Variants in INSL6 observed in about 807,000 individuals in gnomAD.
The protein encoded by INSL6 is insulin like 6, also known as insulin-like peptide INSL6.
INSL6 carries 16 observed loss-of-function variants against 9.4 expected under a neutral mutation model. The observed-to-expected ratio is 1.70, with a 90% CI of 1.15 to 2.59. The LOEUF is 2.59. Among genes scored for constraint, INSL6 ranks in the 30% most tolerant of loss-of-function variants. The pLI, the probability that INSL6 is intolerant of heterozygous loss-of-function variation, is 0.00. For missense variants in INSL6, 391 were observed against 257.3 expected (o/e 1.52, Z -3.56); for synonymous variants, 154 against 96.9 (o/e 1.59, Z -3.46).
At chr9:5,041,189 C>A in the INSL6 span, 1 of 1,398,682 alleles carries the variant, frequency 7.1e-7, no homozygotes, top group South Asian at 1.2e-5. Context: ...CCTCATTTAC[C>A]AGGACGTGAA....
the INSL6 span, among the ~76,000 whole-genome samples, chr9:5,096,506 G>A: frequency 6.6e-6 from 1 of 152,226 alleles, no homozygotes; most frequent in South Asian, 2.1e-4. Context: ...GTGGGGGGAG[G>A]GTGGTAGGCC....
chr9:5,155,196 A>C (rs1171781068), intron 2 of INSL6, among the ~76,000 whole-genome samples: 1 of 151,872 alleles, frequency 6.6e-6, no homozygotes, highest in Admixed American at 6.6e-5. Context: ...GAAGCTGGAA[A>C]CCATCATTCT....
rs758023430 is a variant in INSL6 at position 5,164,315 on chromosome 9, G to C, written c.290-50C>G. 37 of 1,216,962 alleles carry C rather than the reference G, an allele frequency of 3.0e-5. No individual in the cohort carries two copies. In the Middle Eastern group the frequency reaches 2.9e-3, roughly 95 times the overall value. The allele number at this position is 1,216,962 out of a possible 1,614,324, so 75.4% of individuals were successfully genotyped here. A position where few individuals can be genotyped will look rare whatever the true frequency, so the allele number is the denominator to read the frequency against. On this transcript the variant is annotated intron_variant, in intron 1 of 1. Coordinates refer to ENST00000381641, the MANE Select transcript of INSL6 (RefSeq NM_007179.3). ...GCTCCTTTATTAAAATCTTCCTTTA[G>C]ATGAAAATTTAATATTGGAACAGTA...
chr9:5,165,141 G>A (rs1312146503), intron 1 of INSL6, among the ~76,000 whole-genome samples: 1 of 152,136 alleles, frequency 6.6e-6, no homozygotes, highest in Non-Finnish European at 1.5e-5. Flanking sequence ...AACACGGGAG[G>A]AAGAAGTTGC....
chr9:5,063,811 C>T, the INSL6 span, among the ~76,000 whole-genome samples: 2 of 151,890 alleles, frequency 1.3e-5, no homozygotes, highest in South Asian at 2.1e-4. Context: ...ATATATTTTC[C>T]CATGTAAGTA....
chr9:5,040,980 C>G, the INSL6 span: 1 of 601,918 alleles, frequency 1.7e-6, no homozygotes, highest in South Asian at 1.5e-5. Context: ...ATGTGGCTAT[C>G]AAATTGGAGC....
At chr9:5,094,069 A>T in the INSL6 span, 1 of 152,184 alleles carries the variant, frequency 6.6e-6, no homozygotes, top group Non-Finnish European at 1.5e-5. Flanking sequence ...AAAACTTTAC[A>T]ATCAAAGGTT....
At chr9:5,087,862 CTG>C in the INSL6 span, among the ~76,000 whole-genome samples, 1 of 152,090 alleles carries the variant, frequency 6.6e-6, no homozygotes, top group African/African-American at 2.4e-5. Flanking sequence ...AATGACATGA[CTG>C]TATTTAAAAA....
chr9:5,006,427 T>G, the INSL6 span, among the ~76,000 whole-genome samples: 1 of 152,172 alleles, frequency 6.6e-6, no homozygotes, highest in African/African-American at 2.4e-5. Context: ...ACAATCATGG[T>G]ATATTCAATT....
chr9:5,050,781 A>G, the INSL6 span: 2 of 1,613,698 alleles, frequency 1.2e-6, no homozygotes, highest in Non-Finnish European at 1.7e-6. Context: ...ATATGATGAG[A>G]ATAGCCAAAG....
At chr9:5,095,167 A>C in the INSL6 span, among the ~76,000 whole-genome samples, 37,384 of 151,982 alleles carry the variant, frequency 0.25, 4,974 homozygotes, top group South Asian at 0.3. Context: ...AAGTAAGTTC[A>C]GCTAAATAAG....
the INSL6 span, among the ~76,000 whole-genome samples, chr9:5,104,578 G>A: frequency 2.6e-5 from 4 of 152,286 alleles, no homozygotes; most frequent in African/African-American, 4.8e-5. Context: ...GCATCAGCCC[G>A]ATACCAAAGC....
the INSL6 span, chr9:5,114,160 A>C: frequency 2.4e-6 from 1 of 420,146 alleles, no homozygotes; most frequent in Non-Finnish European, 4.7e-6. Context: ...AGTGCCAAGA[A>C]GTGTGCAGAT....
chr9:5,036,210 C>G, the INSL6 span, among the ~76,000 whole-genome samples: 1 of 152,088 alleles, frequency 6.6e-6, no homozygotes, highest in Non-Finnish European at 1.5e-5. Context: ...CAAACCACTG[C>G]TCAATGAAGT....
the INSL6 span, among the ~76,000 whole-genome samples, chr9:5,081,030 G>C: frequency 6.6e-6 from 1 of 151,122 alleles, no homozygotes; most frequent in Admixed American, 6.6e-5. Context: ...TGAGTAGCTG[G>C]GACTACAGGC....
chr9:5,149,362 G>A (rs1162371634), intron 2 of INSL6, among the ~76,000 whole-genome samples: 2 of 151,784 alleles, frequency 1.3e-5, no homozygotes, highest in African/African-American at 4.8e-5. Flanking sequence ...TAGTCTCTGT[G>A]TAAATGACTT....
chr9:5,110,907 C>G, the INSL6 span: 2 of 558,794 alleles, frequency 3.6e-6, no homozygotes, highest in Admixed American at 4.4e-5. Flanking sequence ...GCTCTGGCCC[C>G]AAGAGAATGA....
intron 1 of INSL6, among the ~76,000 whole-genome samples, chr9:5,174,247 G>A (rs1295604589): frequency 2.6e-5 from 4 of 152,000 alleles, no homozygotes; most frequent in Admixed American, 6.6e-5. Context: ...AGCTACCATC[G>A]TATCTATTTT....
intron 3 of INSL6, among the ~76,000 whole-genome samples, chr9:5,133,052 T>C (rs943713780): frequency 6.6e-6 from 1 of 152,166 alleles, no homozygotes; most frequent in Non-Finnish European, 1.5e-5. Context: ...GGGCATGATT[T>C]TTTCAGCAGA....
Sources: gnomAD v4.1 joint callset for allele counts (sites outside exome capture counted in the v4.1 genomes callset) on GRCh38, gnomAD v4.1.1 for gene constraint, MANE v1.5 for transcripts, NCBI Gene and HGNC (gene_info 2026-07-23, HGNC 2026-07-21) for gene names.